Variants in NCKAP5 observed in about 807,000 individuals in gnomAD.
NCKAP5 encodes NCK associated protein 5, also known as nck-associated protein 5.
In NCKAP5, 92 loss-of-function variants were observed where a neutral mutation model predicts 167.0. The observed-to-expected ratio is 0.55, with a 90% confidence interval of 0.47 to 0.66. NCKAP5 has a LOEUF of 0.66. Among genes scored for constraint, NCKAP5 ranks in the 30% least tolerant of loss-of-function variants. The pLI, the probability that NCKAP5 is intolerant of heterozygous loss-of-function variation, is 0.00. For synonymous variants in NCKAP5, 891 were observed against 877.4 expected, an observed-to-expected ratio of 1.02 and a Z score of -0.27; for missense variants, 2,378 against 2,315.0, an observed-to-expected ratio of 1.03 and a Z score of -0.56.
At chr2:132,824,934 T>C (rs954199489) in intron 11 of NCKAP5, among the ~76,000 whole-genome samples, 7 of 152,240 alleles carry the variant, frequency 4.6e-5, no homozygotes, top group Non-Finnish European at 8.8e-5. Context: ...GGAGATTTTA[T>C]GGTTGTTTGT....
At chr2:132,951,697 C>T (rs1469788183) in intron 8 of NCKAP5, among the ~76,000 whole-genome samples, 1 of 152,178 alleles carries the variant, frequency 6.6e-6, no homozygotes, top group Admixed American at 6.6e-5. Flanking sequence ...CAAGCCAATA[C>T]CTATATAACA....
intron 11 of NCKAP5, among the ~76,000 whole-genome samples, chr2:132,817,131 A>G (rs533153327): frequency 6.6e-6 from 1 of 152,238 alleles, no homozygotes; most frequent in Non-Finnish European, 1.5e-5. Flanking sequence ...CCAAAGTACC[A>G]TGTAGCCTGC....
At chr2:132,710,323 C>G (rs1026061349) in intron 19 of NCKAP5, among the ~76,000 whole-genome samples, 2 of 152,298 alleles carry the variant, frequency 1.3e-5, no homozygotes, top group Admixed American at 6.5e-5. Flanking sequence ...GAAGTATTCC[C>G]TTTAAATATC....
intron 19 of NCKAP5, among the ~76,000 whole-genome samples, chr2:132,685,599 G>C (rs1685825361): frequency 1.3e-5 from 2 of 152,116 alleles, no homozygotes; most frequent in South Asian, 4.1e-4. Flanking sequence ...AAAAAACATG[G>C]TTCTGCTTTA....
At chr2:132,713,151 C>CA (rs34379076) in intron 19 of NCKAP5, among the ~76,000 whole-genome samples, 4,376 of 142,834 alleles carry the variant, frequency 0.031, 156 homozygotes, top group African/African-American at 0.087. Flanking sequence ...GAAAGATGAA[C>CA]AAAAAAAAAA....
intron 9 of NCKAP5, among the ~76,000 whole-genome samples, chr2:132,875,007 G>A (rs923692871): frequency 6.6e-6 from 1 of 152,056 alleles, no homozygotes; most frequent in Non-Finnish European, 1.5e-5. Flanking sequence ...GTGCTCTTCT[G>A]TTACTGTATC....
chr2:132,740,261 C>A (rs191486524), intron 16 of NCKAP5, among the ~76,000 whole-genome samples: 1 of 152,276 alleles, frequency 6.6e-6, no homozygotes, highest in Admixed American at 6.5e-5. Flanking sequence ...AATATTCATA[C>A]CATCTTATTA....
At chr2:132,943,071 C>A (rs1697420558) in intron 8 of NCKAP5, among the ~76,000 whole-genome samples, 1 of 152,182 alleles carries the variant, frequency 6.6e-6, no homozygotes, top group African/African-American at 2.4e-5. Flanking sequence ...GGTTCTGGGA[C>A]TTTAAAATCA....
At chr2:133,202,079 T>A (rs752188966) in intron 5 of NCKAP5, among the ~76,000 whole-genome samples, 1 of 151,798 alleles carries the variant, frequency 6.6e-6, no homozygotes, top group Non-Finnish European at 1.5e-5. Flanking sequence ...CATTGCCGAG[T>A]CAATCCTAAG....
chr2:132,767,354 C>T (rs1483788485), intron 16 of NCKAP5, among the ~76,000 whole-genome samples: 1 of 152,136 alleles, frequency 6.6e-6, no homozygotes, highest in Non-Finnish European at 1.5e-5. Context: ...TCAAGCGACT[C>T]TCCTGCCTCA....
chr2:133,470,058 C>T (rs1375721947), intron 3 of NCKAP5, among the ~76,000 whole-genome samples: 1 of 152,142 alleles, frequency 6.6e-6, no homozygotes, highest in Admixed American at 6.5e-5. Context: ...TGGTGAGGAA[C>T]TGCGTTCCTT....
intron 3 of NCKAP5, among the ~76,000 whole-genome samples, chr2:133,303,360 T>A (rs928822265): frequency 2.0e-5 from 3 of 152,324 alleles, no homozygotes; most frequent in Admixed American, 2.0e-4. Context: ...ATCCTCTTAT[T>A]CACAGAAGAA....
At chr2:132,852,269 C>A (rs1391897197) in intron 11 of NCKAP5, among the ~76,000 whole-genome samples, 1 of 152,076 alleles carries the variant, frequency 6.6e-6, no homozygotes, top group Non-Finnish European at 1.5e-5. Context: ...TATATATCGC[C>A]TGAATGTTTC....
At chr2:132,803,617 C>A (rs1685204574) in intron 11 of NCKAP5, among the ~76,000 whole-genome samples, 2 of 152,298 alleles carry the variant, frequency 1.3e-5, no homozygotes. Flanking sequence ...CACCTCTTAC[C>A]TGTCCTTATC....
chr2:133,465,470 C>T (rs1196917354), intron 3 of NCKAP5, among the ~76,000 whole-genome samples: 1 of 151,904 alleles, frequency 6.6e-6, no homozygotes, highest in African/African-American at 2.4e-5. Context: ...AATAAACACA[C>T]GTGTGCATGT....
chr2:133,057,996 T>G (rs2079861236), intron 6 of NCKAP5, among the ~76,000 whole-genome samples: 1 of 152,190 alleles, frequency 6.6e-6, no homozygotes, highest in African/African-American at 2.4e-5. Flanking sequence ...ACAGGGCCTT[T>G]AAGAATTAAG....
the NCKAP5 span, among the ~76,000 whole-genome samples, chr2:133,613,828 C>A: frequency 6.6e-6 from 1 of 152,184 alleles, no homozygotes; most frequent in African/African-American, 2.4e-5. Context: ...TATACGTGAG[C>A]TGTAATGCAA....
chr2:132,742,224 T>A (rs1349770324), intron 16 of NCKAP5, among the ~76,000 whole-genome samples: 1 of 152,002 alleles, frequency 6.6e-6, no homozygotes, highest in Non-Finnish European at 1.5e-5. Flanking sequence ...CTCTTTTACT[T>A]CACATCAGGT....
At chr2:132,746,877 T>C (rs1456173867) in intron 16 of NCKAP5, among the ~76,000 whole-genome samples, 1 of 152,200 alleles carries the variant, frequency 6.6e-6, no homozygotes, top group South Asian at 2.1e-4. Flanking sequence ...CAATATTATG[T>C]ATTTTATCAT....
Sources: gnomAD v4.1 joint callset for allele counts (sites outside exome capture counted in the v4.1 genomes callset) on GRCh38, gnomAD v4.1.1 for gene constraint, MANE v1.5 for transcripts, NCBI Gene and HGNC (gene_info 2026-07-23, HGNC 2026-07-21) for gene names.